SGSM1: variants seen among roughly 807,000 people sequenced by gnomAD.
SGSM1 encodes the protein small G protein signaling modulator 1, also known as RUN and TBC1 domain containing 2.
Under a neutral mutation model 133.8 loss-of-function variants are expected in SGSM1, and 73 were observed. That is an observed-to-expected ratio of 0.55 (90% CI 0.45 to 0.66). The LOEUF is 0.66. SGSM1 is among the 30% of genes least tolerant of loss of function. The pLI is 0.00. For synonymous variants in SGSM1, 563 were observed against 573.0 expected, an observed-to-expected ratio of 0.98 and a Z score of 0.25; for missense variants, 1,213 against 1,448.1, an observed-to-expected ratio of 0.84 and a Z score of 2.64.
At chr22:24,876,408 G>T (rs1932026196) in intron 12 of SGSM1, among the ~76,000 whole-genome samples, 169 bp from the exon 13 acceptor site, 1 of 152,162 alleles carries the variant, frequency 6.6e-6, no homozygotes, top group Admixed American at 6.5e-5. Flanking sequence ...ATTGGATCAG[G>T]CAAACTCAAG....
At chr22:24,826,591 T>C (rs1332274443) in intron 2 of SGSM1, among the ~76,000 whole-genome samples, 2 of 152,146 alleles carry the variant, frequency 1.3e-5, no homozygotes, top group Non-Finnish European at 2.9e-5. Flanking sequence ...ATGGGAGAGA[T>C]GGATGCTAAA....
intron 21 of SGSM1, among the ~76,000 whole-genome samples, chr22:24,907,185 G>T (rs1933415930): frequency 6.6e-6 from 1 of 151,548 alleles, no homozygotes; most frequent in Non-Finnish European, 1.5e-5. Context: ...GCTTGAACCT[G>T]GGAGGTGGAG....
intron 12 of SGSM1, among the ~76,000 whole-genome samples, chr22:24,872,310 A>G (rs1322018715): frequency 6.6e-6 from 1 of 152,100 alleles, no homozygotes; most frequent in Non-Finnish European, 1.5e-5. Context: ...GTTCCAAAAT[A>G]TGTGGACAGG....
At chr22:24,809,938 G>T (rs2147776331) in intron 2 of SGSM1, among the ~76,000 whole-genome samples, 1 of 152,314 alleles carries the variant, frequency 6.6e-6, no homozygotes, top group East Asian at 1.9e-4. Context: ...ACTTTAAGGT[G>T]AAGATAAGAG....
Position 24,884,099 on chromosome 22 carries a change from A to G in SGSM1, c.1542A>G (p.Ser514=). Residue 514 remains serine (S), a synonymous_variant, in exon 15 of 25, where the codon TCA becomes TCG. Coordinates refer to ENST00000400358, the MANE Select transcript of SGSM1 (RefSeq NM_001098497.3). ...RHLSTVRTHL[S]ALVNHMIVSP... ...TGTCCACCGTGAGAACCCACCTATC[A>G]GCCCTGGTCAATCACATGATCGTGT... 6.2e-7 allele frequency: 1 copy of G among 1,613,690 alleles called. No homozygotes were observed. Among genetic ancestry groups the G allele is most frequent in the Non-Finnish European group, 8.5e-7 (1 of 1,179,790 alleles).
In SGSM1 at chr22:24,894,201, C is replaced by T. The variant is rs1312942711; in HGVS notation, c.1953+588C>T. ...GGTGGATCACCTGAGGTCAGGAGTTCAAGACCAGCCTTGGCCAACATGGTG... is the reference window on the plus strand; with the variant it reads ...GGTGGATCACCTGAGGTCAGGAGTTTAAGACCAGCCTTGGCCAACATGGTG... On this transcript the variant is annotated intron_variant, in intron 17 of 24. Transcript: ENST00000400358. Among the ~76,000 whole-genome samples, 5 of 152,204 alleles carry T rather than the reference C, an allele frequency of 3.3e-5. No homozygotes were observed. The South Asian group carries it at 1.0e-3, about 32-fold the overall frequency.
intron 2 of SGSM1, among the ~76,000 whole-genome samples, chr22:24,809,506 C>T (rs992697321): frequency 1.3e-5 from 2 of 152,238 alleles, no homozygotes; most frequent in Non-Finnish European, 2.9e-5. Context: ...ACTGCAGCCA[C>T]GAAGGGGCCA....
intron 19 of SGSM1, among the ~76,000 whole-genome samples, chr22:24,898,975 C>T (rs191417802): frequency 2.0e-3 from 289 of 141,090 alleles, no homozygotes; most frequent in Non-Finnish European, 2.6e-3. Context: ...TGCAGTGAGC[C>T]GAGATCGCAC....
At chr22:24,889,550 T>C (rs1258379939) in intron 16 of SGSM1, among the ~76,000 whole-genome samples, 2 of 151,702 alleles carry the variant, frequency 1.3e-5, no homozygotes, top group East Asian at 3.9e-4. Context: ...GCTGGGATTA[T>C]AGGCATGCGC....
chr22:24,861,773 C>G (rs1328401018), intron 9 of SGSM1, among the ~76,000 whole-genome samples: 1 of 151,574 alleles, frequency 6.6e-6, no homozygotes, highest in Non-Finnish European at 1.5e-5. Context: ...GTCTCGACTC[C>G]TGACCTCAAA....
At chr22:24,922,179 CTTTTTTT>C (rs140795501) in intron 24 of SGSM1, among the ~76,000 whole-genome samples, 4 of 106,854 alleles carry the variant, frequency 3.7e-5, no homozygotes, top group Non-Finnish European at 5.3e-5. Flanking sequence ...CACTTACTTT[CTTTTTTT>C]TTTTTTTTTT....
intron 13 of SGSM1, among the ~76,000 whole-genome samples, chr22:24,878,735 G>T (rs946547663): frequency 2.6e-5 from 4 of 152,194 alleles, no homozygotes; most frequent in Non-Finnish European, 5.9e-5. Context: ...GCAAGGAGAA[G>T]CTTTGAGGCA....
At position 24,898,379 on chromosome 22, in the gene SGSM1, C is replaced by G; in HGVS notation, c.2430C>G (p.Asp810Glu). ...GSLDMALPEK[D>E]DVVMEGWRSS... The stretch of plus-strand genomic sequence containing the variant: ...TGGACATGGCCCTGCCTGAAAAGGA[C>G]GATGTTGTGATGGAGGGCTGGAGGA... Residue 810 changes from aspartate (D) to glutamate (E), a missense_variant, in exon 19 of 25, where the codon GAC (aspartate) becomes GAG (glutamate). Transcript: ENST00000400358. 2 of 1,613,682 alleles carry G rather than the reference C, an allele frequency of 1.2e-6. No homozygotes were observed. Among genetic ancestry groups the G allele is most frequent in the Non-Finnish European group, 1.7e-6 (2 of 1,179,848 alleles).
At chr22:24,831,190 G>T (rs759560447) in intron 2 of SGSM1, among the ~76,000 whole-genome samples, 29 of 151,846 alleles carry the variant, frequency 1.9e-4, no homozygotes, top group Non-Finnish European at 3.2e-4. Context: ...GAGGTGGAGC[G>T]CAGGTGGGTT....
At chr22:24,807,001 C>T (rs547376363) in intron 2 of SGSM1, among the ~76,000 whole-genome samples, 1 of 152,094 alleles carries the variant, frequency 6.6e-6, no homozygotes, top group Non-Finnish European at 1.5e-5. Flanking sequence ...GGGACTCCCT[C>T]CCTGAGAGTC....
At chr22:24,912,788 T>C in intron 22 of SGSM1, 36 bp downstream of exon 22, 1 of 1,506,236 alleles carries the variant, frequency 6.6e-7, no homozygotes, top group African/African-American at 1.4e-5. Context: ...TTGGACTTTT[T>C]TGGGAAACAG....
At chr22:24,810,176 A>G (rs1012529509) in intron 2 of SGSM1, among the ~76,000 whole-genome samples, 20 of 152,132 alleles carry the variant, frequency 1.3e-4, no homozygotes, top group African/African-American at 4.8e-4. Flanking sequence ...TGGAGCTGAA[A>G]TTGCTGGCCT....
chr22:24,895,134 G>A (rs1424718673), intron 17 of SGSM1, 89 bp from the exon 18 acceptor site: 2 of 1,323,774 alleles, frequency 1.5e-6, no homozygotes, highest in Non-Finnish European at 2.1e-6. Context: ...GATGCAACTA[G>A]ACTTTCTGGC....
At chr22:24,914,668 T>C (rs1933759040) in intron 22 of SGSM1, among the ~76,000 whole-genome samples, 1 of 152,198 alleles carries the variant, frequency 6.6e-6, no homozygotes, top group South Asian at 2.1e-4. Context: ...TCTGTTTCTT[T>C]ACTCCCCACT....
Sources: allele counts gnomAD v4.1 joint callset (sites outside exome capture counted in the v4.1 genomes callset), GRCh38; gene constraint gnomAD v4.1.1; transcripts MANE v1.5; gene names NCBI Gene and HGNC (gene_info 2026-07-23, HGNC 2026-07-21).